RNF32: variants seen among roughly 807,000 people sequenced by gnomAD.
RNF32 encodes the protein ring finger protein 32.
Under a neutral mutation model 41.0 loss-of-function variants are expected in RNF32, and 36 were observed. The ratio of observed to expected loss-of-function variants is 0.88; its 90% confidence interval spans 0.67 to 1.16. The LOEUF is 1.16. Ranked by LOEUF, RNF32 falls within the 50% of genes most tolerant of loss-of-function variation. The pLI is 0.00. For missense variants in RNF32, 413 were observed against 436.7 expected, an observed-to-expected ratio of 0.95 and a Z score of 0.48; for synonymous variants, 154 against 160.9, an observed-to-expected ratio of 0.96 and a Z score of 0.32.
intron 2 of RNF32, 145 bp downstream of exon 2, chr7:156,644,037 T>A: frequency 1.5e-6 from 1 of 680,668 alleles, no homozygotes; most frequent in Admixed American, 2.6e-5. Flanking sequence ...AAGTGTCGCA[T>A]GGGGCAGTGG....
At chr7:156,673,372 A>G (rs1249481145) in intron 7 of RNF32, among the ~76,000 whole-genome samples, 3 of 152,240 alleles carry the variant, frequency 2.0e-5, no homozygotes, top group Admixed American at 1.3e-4. Flanking sequence ...TTTACAATGT[A>G]TAGAGAACTC....
At chr7:156,655,023 T>C (rs890504152) in intron 4 of RNF32, 6 of 207,258 alleles carry the variant, frequency 2.9e-5, no homozygotes, top group Non-Finnish European at 4.8e-5. Flanking sequence ...GGAGCAGCTG[T>C]GTCCCAGCGC....
intron 6 of RNF32, 57 bp from the exon 7 acceptor site, chr7:156,658,405 G>A: frequency 6.6e-7 from 1 of 1,525,338 alleles, no homozygotes; most frequent in Non-Finnish European, 9.1e-7. Context: ...AACTACTGAA[G>A]TATTGGTTGA....
intron 7 of RNF32, chr7:156,659,138 G>T: frequency 7.5e-7 from 1 of 1,334,960 alleles, no homozygotes; most frequent in Non-Finnish European, 9.5e-7. Context: ...CATATGAAAA[G>T]GACAGTCCTA....
chr7:156,666,945 G>C lies in RNF32; in HGVS notation c.684+8375G>C, dbSNP rs537934558. Among the ~76,000 whole-genome samples the C allele has an allele frequency of 9.3e-4, 142 of 152,304 alleles. 1 individual carries two copies. The highest frequency in any genetic ancestry group is 1.2e-3 in the Non-Finnish European group (80 of 68,020). On this transcript the variant is annotated intron_variant, in intron 7 of 8. Transcript: ENST00000317955. ...TCCCAGACATTGTTTAGAAAGTGGG[G>C]TGAGTGATTTGTCAGATGCTGGGGC...
chr7:156,661,375 A>G (rs1216447765), intron 7 of RNF32, among the ~76,000 whole-genome samples: 1 of 150,490 alleles, frequency 6.6e-6, no homozygotes, highest in East Asian at 2.0e-4. Context: ...GCTGGAGTGC[A>G]GTGGCACGAT....
In RNF32 at chr7:156,676,490, G is replaced by A; in HGVS notation, c.924G>A (p.Val308=). Residue 308 remains valine, a synonymous_variant, in exon 9 of 9, where the codon GTG becomes GTA. Transcript: ENST00000317955. ...TCTCCGCTGCTGGCGGTCAGCGCGT[G>A]GGTGCAGGCAGGCGTTCCAGAGAGA... The part of the protein sequence containing the change: ...APLSAAGGQR[V]GAGRRSREMA... 1 of 1,614,036 alleles carries A rather than the reference G, an allele frequency of 6.2e-7. No homozygotes were observed. Among genetic ancestry groups the A allele is most frequent in the Non-Finnish European group, 8.5e-7 (1 of 1,179,930 alleles).
At chr7:156,659,695 G>A (rs533697541) in intron 7 of RNF32, 292 of 886,586 alleles carry the variant, frequency 3.3e-4, no homozygotes, top group Admixed American at 2.6e-3. Context: ...TGAAAGTGTT[G>A]GTGGTCTCAG....
At chr7:156,643,759 G>T in intron 1 of RNF32, 42 bp from the exon 2 acceptor site, 1 of 894,584 alleles carries the variant, frequency 1.1e-6, no homozygotes, top group South Asian at 1.5e-5. Flanking sequence ...TGGTTTTTCT[G>T]TGCACTGTAA....
intron 7 of RNF32, among the ~76,000 whole-genome samples, chr7:156,664,429 C>G (rs1801065205): frequency 6.6e-6 from 1 of 152,034 alleles, no homozygotes; most frequent in Non-Finnish European, 1.5e-5. Context: ...CCATTGCACT[C>G]CAGCCTGGGC....
chr7:156,657,340 C>T, intron 4 of RNF32: 1 of 576,678 alleles, frequency 1.7e-6, no homozygotes, highest in Non-Finnish European at 3.1e-6. Context: ...TTTGATATTT[C>T]AGATCATGAA....
At chr7:156,649,156 CTTTT>C (rs760335985) in intron 3 of RNF32, among the ~76,000 whole-genome samples, 1 of 146,442 alleles carries the variant, frequency 6.8e-6, no homozygotes, top group African/African-American at 2.5e-5. Flanking sequence ...GACGTTTCCT[CTTTT>C]TTTTTTTCCT....
chr7:156,653,245 C>T (rs1320530386), intron 3 of RNF32, among the ~76,000 whole-genome samples: 2 of 152,190 alleles, frequency 1.3e-5, no homozygotes, highest in Non-Finnish European at 2.9e-5. Context: ...CATTGTGTTA[C>T]AGTTACCTGC....
intron 3 of RNF32, among the ~76,000 whole-genome samples, chr7:156,647,989 T>G (rs1293741620): frequency 2.6e-5 from 4 of 152,024 alleles, no homozygotes; most frequent in Admixed American, 6.6e-5. Context: ...TTGGGAAATA[T>G]CTGTTCGTAT....
chr7:156,666,799 A>C (rs1037652127), intron 7 of RNF32, among the ~76,000 whole-genome samples: 5 of 152,184 alleles, frequency 3.3e-5, no homozygotes, highest in African/African-American at 1.2e-4. Flanking sequence ...GCTAGGCCTG[A>C]CTGCCTTTGA....
At chr7:156,647,552 T>C (rs1798133885) in intron 3 of RNF32, among the ~76,000 whole-genome samples, 1 of 152,232 alleles carries the variant, frequency 6.6e-6, no homozygotes, top group Admixed American at 6.5e-5. Flanking sequence ...ATGGTGTATA[T>C]ATACCACATT....
rs1370899702 is a variant in RNF32, at chr7:156,643,848, T to G, written c.-30T>G. 7 of 1,607,858 alleles carry G rather than the reference T, an allele frequency of 4.4e-6. No homozygotes were observed. Among genetic ancestry groups the G allele is most frequent in the Non-Finnish European group, 6.0e-6 (7 of 1,174,498 alleles). Reference sequence around the variant, plus strand: ...TAGGATGTGATGATAGAATTTGTGATAGCCAAGCAACAACTTTTCCTAATT... The same window carrying G: ...TAGGATGTGATGATAGAATTTGTGAGAGCCAAGCAACAACTTTTCCTAATT... On this transcript the variant is annotated 5_prime_UTR_variant, in exon 2 of 9. Coordinates refer to ENST00000317955, the MANE Select transcript of RNF32 (RefSeq NM_030936.4).
At chr7:156,647,423 C>G (rs977613945) in intron 3 of RNF32, among the ~76,000 whole-genome samples, 1 of 151,956 alleles carries the variant, frequency 6.6e-6, no homozygotes, top group Non-Finnish European at 1.5e-5. Flanking sequence ...ATCTTAGCTT[C>G]CACTTATAAG....
intron 7 of RNF32, among the ~76,000 whole-genome samples, chr7:156,674,835 C>T (rs889106078): frequency 6.6e-6 from 1 of 152,164 alleles, no homozygotes; most frequent in Non-Finnish European, 1.5e-5. Flanking sequence ...AAATTACATA[C>T]GTAGCTCACA....
Sources: allele counts gnomAD v4.1 joint callset (sites outside exome capture counted in the v4.1 genomes callset), GRCh38; gene constraint gnomAD v4.1.1; transcripts MANE v1.5; gene names NCBI Gene and HGNC (gene_info 2026-07-23, HGNC 2026-07-21).